Variants in TRHDE observed in about 807,000 individuals in gnomAD.
TRHDE encodes thyrotropin releasing hormone degrading enzyme.
In TRHDE, 72 loss-of-function variants were observed where a neutral mutation model predicts 125.7. The ratio of observed to expected loss-of-function variants is 0.57; its 90% CI spans 0.47 to 0.70. The LOEUF (loss-of-function observed/expected upper bound fraction) is 0.70, where lower values mean the gene tolerates loss of function less well. Among genes scored for constraint, TRHDE ranks in the 30% least tolerant of loss-of-function variants. The probability of loss-of-function intolerance (pLI) is 0.00; values close to 1 mark genes in which losing one functional copy is unlikely to be tolerated. For synonymous variants in TRHDE, 509 were observed against 509.1 expected (o/e 1.00, Z 0.00); for missense variants, 1,110 against 1,327.1 (o/e 0.84, Z 2.54).
At chr12:72,578,592 C>T (rs1469894484) in intron 12 of TRHDE, among the ~76,000 whole-genome samples, 1 of 152,120 alleles carries the variant, frequency 6.6e-6, no homozygotes, top group Non-Finnish European at 1.5e-5. Flanking sequence ...TTCTGGTTTC[C>T]TGATAGTTCT....
intron 3 of TRHDE, among the ~76,000 whole-genome samples, chr12:72,442,137 C>T (rs1233787651): frequency 6.6e-6 from 1 of 151,884 alleles, no homozygotes; most frequent in Non-Finnish European, 1.5e-5. Flanking sequence ...TCCCGCTCCT[C>T]TACATGAGAC....
At chr12:72,352,687 T>A (rs1870636485) in intron 2 of TRHDE, among the ~76,000 whole-genome samples, 2 of 151,784 alleles carry the variant, frequency 1.3e-5, no homozygotes, top group Admixed American at 6.6e-5. Flanking sequence ...TTGCATAGAT[T>A]TCCTTTGAAC....
At chr12:72,618,798 C>T in intron 12 of TRHDE, 93 bp from the exon 13 acceptor site, 1 of 1,018,474 alleles carries the variant, frequency 9.8e-7, no homozygotes, top group Admixed American at 2.9e-5. Context: ...TTTCTTTATA[C>T]TATGATGAAT....
chr12:72,271,071 C>T (rs1879189433), upstream of TRHDE, among the ~76,000 whole-genome samples: 1 of 152,200 alleles, frequency 6.6e-6, no homozygotes, highest in South Asian at 2.1e-4. Flanking sequence ...TTCTCAGTCT[C>T]AGGGTTTTGG....
intron 6 of TRHDE, among the ~76,000 whole-genome samples, chr12:72,516,877 G>A (rs1014768622): frequency 6.6e-6 from 1 of 152,006 alleles, no homozygotes; most frequent in Non-Finnish European, 1.5e-5. Context: ...TTTGTCAAAG[G>A]CCTTTTCTGC....
intron 2 of TRHDE, 85 bp downstream of exon 2, chr12:72,287,039 C>G: frequency 1.4e-6 from 2 of 1,419,284 alleles, no homozygotes; most frequent in Non-Finnish European, 1.9e-6. Context: ...TGAGTCATTT[C>G]TAACCTTTTT....
chr12:72,615,249 C>A (rs1056270380), intron 12 of TRHDE, among the ~76,000 whole-genome samples: 6 of 152,096 alleles, frequency 3.9e-5, no homozygotes, highest in African/African-American at 1.4e-4. Flanking sequence ...TAAACACATA[C>A]AATATGTTGT....
chr12:72,620,338 CAAAAAAAA>C (rs3080963), intron 13 of TRHDE, among the ~76,000 whole-genome samples: 9 of 67,492 alleles, frequency 1.3e-4, no homozygotes, highest in Non-Finnish European at 2.1e-4. Context: ...CCCATCTCTA[CAAAAAAAA>C]AAAAAAAAAA....
intron 2 of TRHDE, among the ~76,000 whole-genome samples, chr12:72,359,430 C>T (rs989059714): frequency 1.3e-5 from 2 of 151,542 alleles, no homozygotes; most frequent in African/African-American, 4.8e-5. Context: ...CAAAACAACA[C>T]AGAAAAACTA....
At chr12:72,218,931 T>C (rs1428058719) in intron 2 of TRHDE, among the ~76,000 whole-genome samples, 3 of 152,188 alleles carry the variant, frequency 2.0e-5, no homozygotes, top group African/African-American at 4.8e-5. Context: ...GGAGCTATTA[T>C]TCAACCCATT....
intron 12 of TRHDE, among the ~76,000 whole-genome samples, chr12:72,592,106 T>G (rs1231039682): frequency 6.6e-6 from 1 of 152,166 alleles, no homozygotes; most frequent in Non-Finnish European, 1.5e-5. Context: ...GTATTTATAT[T>G]ATTCCAGTTA....
intron 12 of TRHDE, among the ~76,000 whole-genome samples, chr12:72,603,812 G>A (rs930283545): frequency 3.9e-5 from 6 of 151,910 alleles, no homozygotes; most frequent in Non-Finnish European, 8.8e-5. Context: ...CTGTGTTTTA[G>A]GAAAGAAATC....
chr12:72,354,102 A>T (rs1319613763), intron 2 of TRHDE, among the ~76,000 whole-genome samples: 1 of 151,648 alleles, frequency 6.6e-6, no homozygotes, highest in Non-Finnish European at 1.5e-5. Context: ...CTTAAAAGAA[A>T]TTCACTAGAT....
intron 2 of TRHDE, among the ~76,000 whole-genome samples, chr12:72,205,367 TA>T (rs1296665594): frequency 3.3e-5 from 5 of 151,980 alleles, no homozygotes; most frequent in Admixed American, 1.3e-4. Flanking sequence ...TTTATCATGC[TA>T]AAAAACATAT....
chr12:72,129,884 C>T (rs1361601734), intron 2 of TRHDE, among the ~76,000 whole-genome samples: 1 of 152,032 alleles, frequency 6.6e-6, no homozygotes, highest in Non-Finnish European at 1.5e-5. Flanking sequence ...AACTATAAAG[C>T]ACTTAGGTGA....
chr12:72,272,836 G>T lies in TRHDE; in HGVS notation c.193G>T (p.Ala65Ser). Residue 65 changes from alanine to serine, a missense_variant, in exon 1 of 19, where the codon GCA (alanine) becomes TCA (serine). Physicochemically the swap from Ala to Ser is moderately conservative, Grantham distance 99. Coordinates refer to ENST00000261180, the MANE Select transcript of TRHDE (RefSeq NM_013381.3). The surrounding 1 kb of genome is among the most constrained non-coding windows in gnomAD (Gnocchi z 6.7). ...CAGCAGGGGGCTCTCCGACCCGTGG[G>T]CAGACTCAGTGGGAGTGCGACCCCG... ...AGSRGLSDPW[A>S]DSVGVRPRTT... 6.3e-7 allele frequency: 1 copy of T among 1,581,344 alleles called. No homozygotes were observed. Among genetic ancestry groups the T allele is most frequent in the Non-Finnish European group, 8.5e-7 (1 of 1,170,258 alleles).
chr12:72,407,797 A>T (rs1217475062), intron 3 of TRHDE, among the ~76,000 whole-genome samples: 2 of 152,210 alleles, frequency 1.3e-5, no homozygotes, highest in Non-Finnish European at 2.9e-5. Context: ...TAGACAGCAC[A>T]TTTCTTATAG....
chr12:72,495,823 C>G (rs1440337911), intron 5 of TRHDE, among the ~76,000 whole-genome samples: 1 of 152,138 alleles, frequency 6.6e-6, no homozygotes, highest in Non-Finnish European at 1.5e-5. Flanking sequence ...CATTTACTCA[C>G]ATTTTCTTTA....
chr12:72,366,789 A>G (rs1592392868), intron 2 of TRHDE, among the ~76,000 whole-genome samples: 1 of 151,880 alleles, frequency 6.6e-6, no homozygotes, highest in East Asian at 2.0e-4. Flanking sequence ...GGAAGGGGGA[A>G]AGTACAAGCA....
Sources: gnomAD v4.1 joint callset for allele counts (sites outside exome capture counted in the v4.1 genomes callset) on GRCh38, gnomAD v4.1.1 for gene constraint, Gnocchi (gnomAD v3.1) non-coding constraint, MANE v1.5 for transcripts, NCBI Gene and HGNC (gene_info 2026-07-23, HGNC 2026-07-21) for gene names.